The following SEM1 variants were observed in gnomAD, a reference collection of about 807,000 sequenced individuals.
SEM1 encodes the protein SEM1 26S proteasome subunit, also known as 26S proteasome complex subunit SEM1.
In SEM1, 3 loss-of-function variants were observed where a neutral mutation model predicts 12.7. The ratio of observed to expected loss-of-function variants is 0.24; its 90% CI spans 0.11 to 0.61. The LOEUF is 0.61. Ranked by LOEUF, SEM1 falls within the 20% of genes least tolerant of loss-of-function variation. The pLI, the probability that SEM1 is intolerant of heterozygous loss-of-function variation, is 0.88. For missense variants in SEM1, 59 were observed against 81.3 expected (o/e 0.73, Z 1.06); for synonymous variants, 30 against 27.8 (o/e 1.08, Z -0.25).
At chr7:96,584,858 T>C (rs960026941) in intron 2 of SEM1, among the ~76,000 whole-genome samples, 6 of 151,378 alleles carry the variant, frequency 4.0e-5, no homozygotes, top group Non-Finnish European at 7.4e-5. Context: ...TTATTCTAGT[T>C]ATACATTCTT....
intron 2 of SEM1, among the ~76,000 whole-genome samples, chr7:96,553,650 T>C (rs1584758332): frequency 6.6e-6 from 1 of 152,328 alleles, no homozygotes; most frequent in South Asian, 2.1e-4. Flanking sequence ...CTTTGTTCTT[T>C]TGGCTTAGGA....
At chr7:96,502,773 CAT>C (rs1253669616) in intron 3 of SEM1, among the ~76,000 whole-genome samples, 1 of 152,230 alleles carries the variant, frequency 6.6e-6, no homozygotes, top group South Asian at 2.1e-4. Context: ...TCATTCAACA[CAT>C]GTTTGAGTTC....
rs1047330787 is a variant in SEM1, at chr7:96,640,882, C to G, written c.171-18239G>C. Reference sequence around the variant, plus strand: ...GTGTTCATTTCAGTTTTGCTGTTAACCTAACACTGCTCTAAAAAATATGGT... The same window carrying G: ...GTGTTCATTTCAGTTTTGCTGTTAAGCTAACACTGCTCTAAAAAATATGGT... On this transcript the variant is annotated intron_variant, in intron 2 of 2. Transcript: ENST00000417009. This position sits in a 1 kb window ranked among gnomAD's most constrained non-coding sequence, Gnocchi z 4.0. Among the ~76,000 whole-genome samples the G allele has an allele frequency of 2.0e-5, 3 of 151,810 alleles. No homozygotes were observed. The highest frequency in any genetic ancestry group is 4.8e-5 in the African/African-American group (2 of 41,364).
intron 2 of SEM1, among the ~76,000 whole-genome samples, chr7:96,581,223 A>G (rs949585519): frequency 6.6e-6 from 1 of 152,216 alleles, no homozygotes; most frequent in African/African-American, 2.4e-5. Flanking sequence ...TTTATTAAAT[A>G]GGGAATCCTT....
intron 1 of SEM1, among the ~76,000 whole-genome samples, chr7:96,701,310 T>G (rs1790267876): frequency 6.6e-6 from 1 of 151,516 alleles, no homozygotes; most frequent in African/African-American, 2.4e-5. Context: ...CGGGAGGTAA[T>G]CAGGATTGAA....
chr7:96,692,912 T>C (rs1789971308), intron 2 of SEM1, among the ~76,000 whole-genome samples: 1 of 152,040 alleles, frequency 6.6e-6, no homozygotes, highest in South Asian at 2.1e-4. Context: ...CTCAGGGTAC[T>C]AGAAGAACCA....
chr7:96,519,921 C>T (rs958713109), intron 2 of SEM1, among the ~76,000 whole-genome samples: 4 of 151,854 alleles, frequency 2.6e-5, no homozygotes, highest in Non-Finnish European at 4.4e-5. Context: ...GGAAAGAAGA[C>T]GGGGGAAAGA....
At chr7:96,584,789 T>A (rs1487903471) in intron 2 of SEM1, among the ~76,000 whole-genome samples, 4 of 152,150 alleles carry the variant, frequency 2.6e-5, no homozygotes. Flanking sequence ...ATTCTTCACA[T>A]AGTTCTCGAG....
At chr7:96,705,229 A>G (rs1184837450) in intron 1 of SEM1, among the ~76,000 whole-genome samples, 1 of 152,142 alleles carries the variant, frequency 6.6e-6, no homozygotes, top group African/African-American at 2.4e-5. Flanking sequence ...TGATTTCTTC[A>G]GACTATATAG....
chr7:96,484,802 C>A (rs1469851563), intron 3 of SEM1: 5 of 1,268,914 alleles, frequency 3.9e-6, no homozygotes, highest in Non-Finnish European at 5.2e-6. Flanking sequence ...CATTTATATC[C>A]ATTTATATCT....
chr7:96,566,024 T>C (rs1805833915), intron 2 of SEM1, among the ~76,000 whole-genome samples: 1 of 151,868 alleles, frequency 6.6e-6, no homozygotes, highest in African/African-American at 2.4e-5. Context: ...GTCCAAATCA[T>C]ACAGTCCTAG....
downstream of SEM1, among the ~76,000 whole-genome samples, chr7:96,685,667 G>C (rs1216150081): frequency 2.0e-5 from 3 of 151,762 alleles, no homozygotes; most frequent in Non-Finnish European, 4.4e-5. Context: ...ACCTATCTCA[G>C]GGTTGTTGTG....
At chr7:96,609,215 G>A (rs564796905) in intron 2 of SEM1, among the ~76,000 whole-genome samples, 10 of 152,168 alleles carry the variant, frequency 6.6e-5, no homozygotes, top group Non-Finnish European at 1.3e-4. Flanking sequence ...TGTGCCTATT[G>A]AGCATTAGTG....
chr7:96,651,057 A>C (rs1473366759), intron 2 of SEM1, among the ~76,000 whole-genome samples: 1 of 152,040 alleles, frequency 6.6e-6, no homozygotes, highest in East Asian at 1.9e-4. Context: ...GACACCACAG[A>C]CTCCATGTTC....
intron 2 of SEM1, among the ~76,000 whole-genome samples, chr7:96,568,988 G>A (rs1168003122): frequency 6.6e-6 from 1 of 151,906 alleles, no homozygotes; most frequent in Non-Finnish European, 1.5e-5. Context: ...TATTGTGAAT[G>A]TGCAGACCTA....
intron 2 of SEM1, among the ~76,000 whole-genome samples, chr7:96,632,771 T>G (rs933174403): frequency 1.5e-5 from 2 of 132,206 alleles, no homozygotes; most frequent in African/African-American, 2.6e-5. Context: ...GTGGTTTTTT[T>G]TTGTTGTTTT....
At chr7:96,594,730 T>G (rs1418618206) in intron 2 of SEM1, among the ~76,000 whole-genome samples, 1 of 152,200 alleles carries the variant, frequency 6.6e-6, no homozygotes, top group Non-Finnish European at 1.5e-5. Flanking sequence ...AGTATTCTCC[T>G]GATTTGAATG....
At chr7:96,585,840 C>T (rs4278101) in intron 2 of SEM1, among the ~76,000 whole-genome samples, 82,772 of 151,956 alleles carry the variant, frequency 0.54, 24,593 homozygotes, top group Non-Finnish European at 0.68. Flanking sequence ...ACACGGTGCG[C>T]GCACCCACTG....
At chr7:96,564,382 CG>C (rs923920770) in intron 2 of SEM1, among the ~76,000 whole-genome samples, 1 of 151,532 alleles carries the variant, frequency 6.6e-6, no homozygotes, top group South Asian at 2.1e-4. Context: ...AAGCTGAAAA[CG>C]TAAGATGGGA....
Sources: gnomAD v4.1 joint callset for allele counts (sites outside exome capture counted in the v4.1 genomes callset) on GRCh38, gnomAD v4.1.1 for gene constraint, Gnocchi (gnomAD v3.1) non-coding constraint, MANE v1.5 for transcripts, NCBI Gene and HGNC (gene_info 2026-07-23, HGNC 2026-07-21) for gene names.